Variants in GRID2 observed in about 807,000 individuals in gnomAD.
GRID2 encodes the protein glutamate receptor ionotropic, delta-2.
Under a neutral mutation model 114.8 loss-of-function variants are expected in GRID2, and 33 were observed. That is an observed-to-expected ratio of 0.29 (90% confidence interval 0.22 to 0.38). The LOEUF is 0.38. GRID2 is among the 10% of genes least tolerant of loss of function. GRID2 has a pLI of 1.00. For missense variants in GRID2, 1,184 were observed against 1,257.7 expected (o/e 0.94, Z 0.89); for synonymous variants, 505 against 449.9 (o/e 1.12, Z -1.55).
intron 8 of GRID2, among the ~76,000 whole-genome samples, chr4:93,368,277 C>G (rs17020508): frequency 0.034 from 5,142 of 152,054 alleles, 305 homozygotes; most frequent in African/African-American, 0.12. Context: ...AATCAGTAAC[C>G]TCTAGAAACT....
chr4:93,688,295 AC>A (rs1296195925), intron 14 of GRID2, among the ~76,000 whole-genome samples: 1 of 151,908 alleles, frequency 6.6e-6, no homozygotes, highest in Non-Finnish European at 1.5e-5. Context: ...TCAGGTGTTT[AC>A]CACCTGTACA....
chr4:92,856,425 G>T (rs1744187652), intron 2 of GRID2, among the ~76,000 whole-genome samples: 1 of 151,992 alleles, frequency 6.6e-6, no homozygotes, highest in Non-Finnish European at 1.5e-5. Context: ...TGAAAGCCTG[G>T]AGTTTATCCC....
At chr4:92,958,328 C>T (rs2149147344) in intron 2 of GRID2, among the ~76,000 whole-genome samples, 1 of 152,082 alleles carries the variant, frequency 6.6e-6, no homozygotes, top group East Asian at 1.9e-4. Context: ...TCTTAGTTGA[C>T]TGAGAGATTT....
At chr4:92,339,306 A>C (rs1042261577) in intron 1 of GRID2, among the ~76,000 whole-genome samples, 1 of 152,106 alleles carries the variant, frequency 6.6e-6, no homozygotes, top group African/African-American at 2.4e-5. Context: ...TACAGAAATA[A>C]GGGGAAAATA....
chr4:93,282,499 T>C (rs895747561), intron 8 of GRID2: 2 of 295,334 alleles, frequency 6.8e-6, no homozygotes, highest in South Asian at 3.0e-5. Flanking sequence ...GAGATAAGGG[T>C]CAAACTCATC....
chr4:92,861,081 A>G (rs1744500347), intron 2 of GRID2, among the ~76,000 whole-genome samples: 1 of 152,104 alleles, frequency 6.6e-6, no homozygotes, highest in African/African-American at 2.4e-5. Flanking sequence ...TTTAAGCCAA[A>G]GTCTAGATTA....
intron 2 of GRID2, among the ~76,000 whole-genome samples, chr4:92,749,608 C>T (rs1560570991): frequency 6.6e-6 from 1 of 151,968 alleles, no homozygotes; most frequent in South Asian, 2.1e-4. Context: ...TTTTTGTTTC[C>T]AAGACAGTAG....
At chr4:93,304,679 A>G (rs1755234654) in intron 8 of GRID2, among the ~76,000 whole-genome samples, 1 of 152,208 alleles carries the variant, frequency 6.6e-6, no homozygotes. Flanking sequence ...CTTAAAAACA[A>G]ATAGGACACC....
chr4:93,628,062 T>G (rs1193962104), intron 14 of GRID2, among the ~76,000 whole-genome samples: 1 of 152,164 alleles, frequency 6.6e-6, no homozygotes, highest in Non-Finnish European at 1.5e-5. Flanking sequence ...TAATCTCAGC[T>G]ACTTGGGAGG....
rs577338044 is a variant in GRID2 at position 92,671,771 on chromosome 4, T to C, written c.244+81485T>C. On this transcript the variant is annotated intron_variant, in intron 2 of 15. Coordinates refer to ENST00000282020, the MANE Select transcript of GRID2 (RefSeq NM_001510.4). The stretch of plus-strand genomic sequence containing the variant: ...AAAGTGTCCAAATAGGAAGATAATA[T>C]ATTCTTTTTCCCTTTACCTTTGATC... Among the ~76,000 whole-genome samples, 22 of 152,270 alleles carry C rather than the reference T, an allele frequency of 1.4e-4. No individual in the cohort carries two copies. The South Asian group carries it at 4.3e-3, about 30-fold the overall frequency.
chr4:93,085,003 C>T lies in GRID2; in HGVS notation c.253C>T (p.Leu85Phe), dbSNP rs1348034306. The T allele has an allele frequency of 1.9e-6, 3 of 1,613,664 alleles. No individual in the cohort carries two copies. Among genetic ancestry groups the T allele is most frequent in the South Asian group, 1.1e-5 (1 of 91,070 alleles). Residue 85 changes from leucine (L) to phenylalanine (F), a missense_variant, in exon 3 of 16, where the codon CTT (leucine) becomes TTT (phenylalanine). By Grantham distance (22) the Leu-to-Phe change is conservative. Coordinates refer to ENST00000282020, the MANE Select transcript of GRID2 (RefSeq NM_001510.4). ...PFQAVQEACE[L>F]MNQGILALVS... ...ACTGTGCTTTCTTGCAGCCTGTGAACTTATGAATCAAGGCATCTTGGCCCT... is the reference window on the plus strand; with the variant it reads ...ACTGTGCTTTCTTGCAGCCTGTGAATTTATGAATCAAGGCATCTTGGCCCT...
intron 2 of GRID2, among the ~76,000 whole-genome samples, chr4:92,955,430 G>C (rs1328663136): frequency 1.3e-5 from 2 of 152,058 alleles, no homozygotes; most frequent in South Asian, 2.1e-4. Context: ...AGAAGTGTCT[G>C]TTCATGTCCT....
At chr4:93,711,349 G>A (rs555304509) in intron 14 of GRID2, among the ~76,000 whole-genome samples, 135 of 152,240 alleles carry the variant, frequency 8.9e-4, no homozygotes, top group Non-Finnish European at 1.6e-3. Context: ...TTCTGGCTCA[G>A]GGTATGTCTA....
chr4:93,277,850 T>G (rs561661654), intron 8 of GRID2, among the ~76,000 whole-genome samples: 12 of 152,028 alleles, frequency 7.9e-5, no homozygotes, highest in African/African-American at 1.9e-4. Flanking sequence ...AAGGAAGGAA[T>G]GAATGAATGA....
At chr4:93,396,637 T>C (rs1765359959) in intron 9 of GRID2, among the ~76,000 whole-genome samples, 1 of 152,050 alleles carries the variant, frequency 6.6e-6, no homozygotes, top group South Asian at 2.1e-4. Context: ...AGAGCAACCA[T>C]GGATAAGAAG....
chr4:93,522,642 T>C (rs986443554), intron 13 of GRID2, among the ~76,000 whole-genome samples: 1 of 152,004 alleles, frequency 6.6e-6, no homozygotes, highest in African/African-American at 2.4e-5. Flanking sequence ...ACAAGGGAAT[T>C]GAGGATATGA....
chr4:93,788,337 C>T (rs1248066174), intron 1 of GRID2, among the ~76,000 whole-genome samples: 4 of 151,330 alleles, frequency 2.6e-5, no homozygotes, highest in Non-Finnish European at 2.9e-5. Flanking sequence ...GAAAAGAAAA[C>T]GTAAAGCCTA....
chr4:93,789,022 G>T (rs112052971), intron 1 of GRID2, among the ~76,000 whole-genome samples: 5 of 152,156 alleles, frequency 3.3e-5, no homozygotes, highest in African/African-American at 9.7e-5. Flanking sequence ...AAGGAACAGA[G>T]AAATAATCTC....
chr4:93,000,936 C>A lies in GRID2; in HGVS notation c.245-84059C>A, dbSNP rs1720914260. Among the ~76,000 whole-genome samples, 4 of 150,740 alleles carry A rather than the reference C, an allele frequency of 2.7e-5. No individual in the cohort carries two copies. In the South Asian group the frequency reaches 8.3e-4, roughly 31 times the overall value. On this transcript the variant is annotated intron_variant, in intron 2 of 15. Coordinates refer to ENST00000282020, the MANE Select transcript of GRID2 (RefSeq NM_001510.4). ...TAACAAACCATGTAACTAAATATAC[C>A]CTGTGAATCTAAAATAAAATAAAAT...
Sources: gnomAD v4.1 joint callset for allele counts (sites outside exome capture counted in the v4.1 genomes callset) on GRCh38, gnomAD v4.1.1 for gene constraint, MANE v1.5 for transcripts, NCBI Gene and HGNC (gene_info 2026-07-23, HGNC 2026-07-21) for gene names.